Variants in PDE1C observed in about 807,000 individuals in gnomAD.
PDE1C encodes the protein dual specificity calcium/calmodulin-dependent 3',5'-cyclic nucleotide phosphodiesterase 1C.
PDE1C carries 62 observed loss-of-function variants against 93.1 expected under a neutral mutation model. The ratio of observed to expected loss-of-function variants is 0.67; its 90% confidence interval spans 0.54 to 0.82. PDE1C has a LOEUF of 0.82. Among genes scored for constraint, PDE1C ranks in the 40% least tolerant of loss-of-function variants. The pLI, the probability that PDE1C is intolerant of heterozygous loss-of-function variation, is 0.00. For missense variants in PDE1C, 742 were observed against 884.6 expected (o/e 0.84, Z 2.04); for synonymous variants, 325 against 310.1 (o/e 1.05, Z -0.50).
chr7:31,796,920 C>T lies in PDE1C; in HGVS notation c.1891+12111G>A, dbSNP rs996628748. On this transcript the variant is annotated intron_variant, in intron 16 of 17. Coordinates refer to ENST00000396191, the MANE Select transcript of PDE1C (RefSeq NM_001191057.4). ...GTTTTACCCAGATTCATGAGAAAAA[C>T]AGACACCTAAAAATAATATTACAAC... 2.6e-5 allele frequency among the ~76,000 whole-genome samples: 4 copies of T among 151,792 alleles called. 1 individual carries two copies. The highest frequency in any genetic ancestry group is 4.1e-4 in the South Asian group (2 of 4,828).
the PDE1C span, among the ~76,000 whole-genome samples, chr7:31,621,195 C>G: frequency 2.0e-5 from 3 of 152,060 alleles, no homozygotes; most frequent in Admixed American, 6.6e-5. Flanking sequence ...AGGATATTAT[C>G]CAGGAGAACT....
At chr7:31,983,069 T>A (rs1812601016) in intron 2 of PDE1C, among the ~76,000 whole-genome samples, 1 of 152,232 alleles carries the variant, frequency 6.6e-6, no homozygotes, top group Non-Finnish European at 1.5e-5. Flanking sequence ...CATACTGACA[T>A]GTACTAGAAT....
chr7:31,834,952 G>A (rs1790875295), intron 11 of PDE1C, among the ~76,000 whole-genome samples: 1 of 152,070 alleles, frequency 6.6e-6, no homozygotes, highest in Non-Finnish European at 1.5e-5. Flanking sequence ...TGAACCTGGT[G>A]AGAGATAACT....
intron 1 of PDE1C, among the ~76,000 whole-genome samples, chr7:32,375,602 A>G (rs551515118): frequency 5.3e-5 from 8 of 152,350 alleles, no homozygotes; most frequent in Admixed American, 3.3e-4. Context: ...TCCACATCAA[A>G]GAATTCTACC....
At chr7:32,220,811 C>A (rs1806799404) in intron 1 of PDE1C, among the ~76,000 whole-genome samples, 4 of 152,092 alleles carry the variant, frequency 2.6e-5, no homozygotes, top group Admixed American at 2.6e-4. Flanking sequence ...GAGCGAGACT[C>A]CATCTCAAAA....
chr7:32,143,115 T>C (rs899401807), intron 3 of PDE1C, among the ~76,000 whole-genome samples: 6 of 151,852 alleles, frequency 4.0e-5, no homozygotes, highest in Middle Eastern at 3.4e-3. Flanking sequence ...ACAGCAGGGA[T>C]TGGCACCTGA....
chr7:32,408,866 A>C (rs1171943861), intron 1 of PDE1C, among the ~76,000 whole-genome samples: 3 of 152,212 alleles, frequency 2.0e-5, no homozygotes, highest in Admixed American at 2.0e-4. Context: ...TAAAGTCTAG[A>C]TGAAAAAGAA....
intron 2 of PDE1C, among the ~76,000 whole-genome samples, chr7:31,946,597 T>C (rs1263763445): frequency 6.6e-6 from 1 of 152,214 alleles, no homozygotes. Context: ...ATCACAGCTA[T>C]AGCTTATGCA....
chr7:32,160,743 G>T (rs934911520), intron 3 of PDE1C, among the ~76,000 whole-genome samples: 1 of 152,082 alleles, frequency 6.6e-6, no homozygotes, highest in Non-Finnish European at 1.5e-5. Flanking sequence ...CCAGGAGGCA[G>T]AGGTTACGGT....
the PDE1C span, among the ~76,000 whole-genome samples, chr7:31,642,524 G>A: frequency 6.6e-6 from 1 of 152,208 alleles, no homozygotes; most frequent in Non-Finnish European, 1.5e-5. Flanking sequence ...GCCTCCTAGA[G>A]AGGAGGACCT....
At chr7:32,095,326 C>A (rs1016343096) in intron 3 of PDE1C, among the ~76,000 whole-genome samples, 6 of 152,214 alleles carry the variant, frequency 3.9e-5, no homozygotes, top group African/African-American at 1.2e-4. Context: ...TGAAGTCAGA[C>A]AACAATCAGG....
chr7:32,071,018 A>C (rs1411737853), upstream of PDE1C: 8 of 985,322 alleles, frequency 8.1e-6, no homozygotes, highest in Non-Finnish European at 9.6e-6. Flanking sequence ...GACAAGTGAG[A>C]AAAGTCGTCT....
the PDE1C span, among the ~76,000 whole-genome samples, chr7:31,626,916 G>A: frequency 6.6e-6 from 1 of 152,300 alleles, no homozygotes; most frequent in South Asian, 2.1e-4. Context: ...AATAAATATA[G>A]CAAGCTTTCT....
chr7:32,188,522 GATTTT>G (rs1199763426), intron 2 of PDE1C, among the ~76,000 whole-genome samples: 3 of 151,934 alleles, frequency 2.0e-5, no homozygotes, highest in African/African-American at 4.8e-5. Flanking sequence ...TTTCAGTGAG[GATTTT>G]ATTTTAATTC....
At chr7:31,803,142 A>T (rs976210703) in intron 16 of PDE1C, among the ~76,000 whole-genome samples, 1 of 151,588 alleles carries the variant, frequency 6.6e-6, no homozygotes, top group Non-Finnish European at 1.5e-5. Flanking sequence ...TTCCTCTCCG[A>T]AGTCTAATTC....
intron 3 of PDE1C, among the ~76,000 whole-genome samples, chr7:32,104,994 C>A (rs1372577107): frequency 6.6e-6 from 1 of 152,132 alleles, no homozygotes; most frequent in East Asian, 1.9e-4. Context: ...AAGAACCTGC[C>A]AAAGTCCTCC....
chr7:31,728,208 G>A, the PDE1C span, among the ~76,000 whole-genome samples: 1 of 152,188 alleles, frequency 6.6e-6, no homozygotes, highest in Non-Finnish European at 1.5e-5. Context: ...CTGCGGACAA[G>A]GATCCTTCCT....
chr7:31,722,382 C>G, the PDE1C span, among the ~76,000 whole-genome samples: 22 of 152,194 alleles, frequency 1.4e-4, no homozygotes, highest in African/African-American at 5.3e-4. Context: ...TCAACAAATA[C>G]TTATTGAACA....
intron 2 of PDE1C, among the ~76,000 whole-genome samples, chr7:31,945,825 A>T (rs1806531313): frequency 6.6e-6 from 1 of 152,188 alleles, no homozygotes; most frequent in Non-Finnish European, 1.5e-5. Context: ...CTTTTGAAAT[A>T]GTCTCACAGT....
Sources: allele counts gnomAD v4.1 joint callset (sites outside exome capture counted in the v4.1 genomes callset), GRCh38; gene constraint gnomAD v4.1.1; transcripts MANE v1.5; gene names NCBI Gene and HGNC (gene_info 2026-07-23, HGNC 2026-07-21).